CADM3: variants seen among roughly 807,000 people sequenced by gnomAD.
CADM3 encodes the protein TSLC1-like 1.
CADM3 carries 11 observed loss-of-function variants against 44.9 expected under a neutral mutation model. That is an observed-to-expected ratio of 0.25 (90% confidence interval 0.15 to 0.41). CADM3 has a LOEUF of 0.41. CADM3 is among the 10% of genes least tolerant of loss of function. The pLI, the probability that CADM3 is intolerant of heterozygous loss-of-function variation, is 1.00. For missense variants in CADM3, 426 were observed against 512.0 expected, an observed-to-expected ratio of 0.83 and a Z score of 1.62; for synonymous variants, 207 against 205.2, an observed-to-expected ratio of 1.01 and a Z score of -0.08.
At position 159,193,952 on chromosome 1, in the gene CADM3, G is replaced by C. The variant is rs927444873; in HGVS notation, c.603G>C (p.Glu201Asp). 1.2e-6 allele frequency: 2 copies of C among 1,614,218 alleles called. No individual in the cohort carries two copies. The highest frequency in any genetic ancestry group is 1.7e-6 in the Non-Finnish European group (2 of 1,180,046). Reference protein sequence around the residue: ...SSSVTFQVTREDDGASIVCSV... With the variant: ...SSSVTFQVTRDDDGASIVCSV... ...CGGTGACATTCCAGGTTACCCGGGA[G>C]GATGATGGGGCGAGCATCGTGTGCT... Residue 201 changes from glutamate (E) to aspartate (D), a missense_variant, in exon 5 of 9, where the codon GAG becomes GAC. Glu to Asp is a conservative substitution (Grantham distance 45). This residue lies in a region of CADM3 where 362 missense variants were observed against 474.6 expected (regional missense o/e 0.76). Coordinates refer to ENST00000368125, the MANE Select transcript of CADM3 (RefSeq NM_001127173.3).
chr1:159,194,807 C>G (rs1649822561), intron 5 of CADM3: 1 of 152,106 alleles, frequency 6.6e-6, no homozygotes, highest in Non-Finnish European at 1.5e-5. Flanking sequence ...GTGGAATTTG[C>G]CTTTAGTATG....
intron 5 of CADM3, chr1:159,196,154 A>G: frequency 1.8e-6 from 1 of 542,574 alleles, no homozygotes; most frequent in Non-Finnish European, 3.3e-6. Context: ...ACCTTCCAGA[A>G]TCCTATCACA....
chr1:159,193,677 T>C (rs1221730775), intron 4 of CADM3, 117 bp downstream of exon 4: 1 of 1,493,402 alleles, frequency 6.7e-7, no homozygotes, highest in Non-Finnish European at 9.2e-7. Context: ...GAATGACATA[T>C]ATTTTGTGTG....
chr1:159,192,831 G>C, intron 3 of CADM3, 101 bp downstream of exon 3: 4 of 1,259,122 alleles, frequency 3.2e-6, no homozygotes, highest in Non-Finnish European at 4.4e-6. Flanking sequence ...AAGTCTCCAA[G>C]CACTTTAGGA....
chr1:159,180,194 A>T (rs1649175391), intron 1 of CADM3, among the ~76,000 whole-genome samples: 2 of 152,236 alleles, frequency 1.3e-5, no homozygotes, highest in South Asian at 2.1e-4. Context: ...GTATTCTGGA[A>T]GTAAGGGGTT....
intron 7 of CADM3, chr1:159,197,802 C>G (rs1263896807): frequency 1.3e-5 from 2 of 152,142 alleles, no homozygotes; most frequent in African/African-American, 4.8e-5. Context: ...ATCAGAGGCT[C>G]CCTTACTTGA....
chr1:159,203,190 T>C lies in CADM3; in HGVS notation c.*2268T>C, dbSNP rs531654782. The C allele has an allele frequency of 5.2e-5, 8 of 152,730 alleles. No homozygotes were observed. In the East Asian group the frequency reaches 1.5e-3, roughly 29 times the overall value. The allele number at this position is 152,730 out of a possible 1,614,324, so 9.5% of individuals were successfully genotyped here. A position where few individuals can be genotyped will look rare whatever the true frequency, so the allele number is the denominator to read the frequency against. Reference sequence around the variant, plus strand: ...CCTCTTGCTGCTGCTGGGATGTGTGTATGTGAGGGTCTTCTTCCCATACCC... The same window carrying C: ...CCTCTTGCTGCTGCTGGGATGTGTGCATGTGAGGGTCTTCTTCCCATACCC... On this transcript the variant is annotated 3_prime_UTR_variant, in exon 9 of 9. Coordinates refer to ENST00000368125, the MANE Select transcript of CADM3 (RefSeq NM_001127173.3).
At chr1:159,180,028 T>G (rs1354769693) in intron 1 of CADM3, among the ~76,000 whole-genome samples, 1 of 152,116 alleles carries the variant, frequency 6.6e-6, no homozygotes, top group Non-Finnish European at 1.5e-5. Context: ...TGCCAACTCT[T>G]TTCTGGTTTC....
Position 159,202,822 on chromosome 1 carries a change from A to C in CADM3, c.*1900A>C, listed in dbSNP as rs140039373. The C allele has an allele frequency of 6.6e-6, 1 of 151,806 alleles. No individual in the cohort carries two copies. The highest frequency in any genetic ancestry group is 1.5e-5 in the Non-Finnish European group (1 of 67,950). The allele number at this position is 151,806 out of a possible 1,614,324, so 9.4% of individuals were successfully genotyped here. A position where few individuals can be genotyped will look rare whatever the true frequency, so the allele number is the denominator to read the frequency against. On this transcript the variant is annotated 3_prime_UTR_variant, in exon 9 of 9. Coordinates refer to ENST00000368125, the MANE Select transcript of CADM3 (RefSeq NM_001127173.3). ...CCTTGGGCACCACAGGCAGCCCCTCACCTAAGCCGGGGCCTACTCCTCTTA... is the reference window on the plus strand; with the variant it reads ...CCTTGGGCACCACAGGCAGCCCCTCCCCTAAGCCGGGGCCTACTCCTCTTA...
intron 8 of CADM3, 66 bp downstream of exon 8, chr1:159,199,942 A>G (rs1650084086): frequency 1.9e-6 from 3 of 1,574,504 alleles, no homozygotes; most frequent in Admixed American, 3.7e-5. Flanking sequence ...AGAGGCAGGC[A>G]CGAGGAGAAG....
intron 8 of CADM3, among the ~76,000 whole-genome samples, chr1:159,200,277 C>T (rs36160848): frequency 0.07 from 10,692 of 152,186 alleles, 1,253 homozygotes; most frequent in African/African-American, 0.24. Context: ...CATTGCCTTT[C>T]TTTCCTCTCC....
rs907569371 is a variant in CADM3, at chr1:159,203,104, CAG to C, written c.*2185_*2186del. ...CTTTCTAACTCTCCTGTGCTAATCT[CAG>C]AGGGGTCACCCTCAATATATCTGGA... On this transcript the variant is annotated 3_prime_UTR_variant, in exon 9 of 9. Transcript: ENST00000368125. 1.3e-5 allele frequency: 2 copies of C among 152,274 alleles called. No individual in the cohort carries two copies. The highest frequency in any genetic ancestry group is 4.8e-5 in the African/African-American group (2 of 41,396). The allele number at this position is 152,274 out of a possible 1,614,324, so 9.4% of individuals were successfully genotyped here. A position where few individuals can be genotyped will look rare whatever the true frequency, so the allele number is the denominator to read the frequency against.
intron 1 of CADM3, among the ~76,000 whole-genome samples, chr1:159,191,083 C>T (rs34999456): frequency 0.018 from 2,787 of 152,270 alleles, 34 homozygotes; most frequent in Non-Finnish European, 0.029. Flanking sequence ...CCCCGGTAGG[C>T]GTGACCAGAA....
intron 1 of CADM3, among the ~76,000 whole-genome samples, chr1:159,187,862 T>A (rs1393624700): frequency 6.6e-6 from 1 of 151,912 alleles, no homozygotes; most frequent in East Asian, 1.9e-4. Flanking sequence ...GTAGGGTGAG[T>A]GTGGGGCACT....
intron 1 of CADM3, among the ~76,000 whole-genome samples, chr1:159,177,111 G>C (rs1649048151): frequency 6.6e-6 from 1 of 152,088 alleles, no homozygotes; most frequent in Admixed American, 6.6e-5. Context: ...CTCTTTAGAA[G>C]ATAGGCCTAA....
chr1:159,189,817 C>T (rs934886786), intron 1 of CADM3: 8 of 1,607,504 alleles, frequency 5.0e-6, no homozygotes, highest in Non-Finnish European at 5.9e-6. Context: ...TGGCTCCACT[C>T]GACGAGGCCA....
At chr1:159,177,323 C>T (rs1273439679) in intron 1 of CADM3, among the ~76,000 whole-genome samples, 3 of 152,112 alleles carry the variant, frequency 2.0e-5, no homozygotes, top group Non-Finnish European at 2.9e-5. Flanking sequence ...AAGTGATGAG[C>T]GTAGAGTGAT....
At chr1:159,171,951 T>C in intron 1 of CADM3, 98 bp downstream of exon 1, 1 of 791,126 alleles carries the variant, frequency 1.3e-6, no homozygotes, top group Non-Finnish European at 1.7e-6. Flanking sequence ...TGGCTTTGTT[T>C]GGAACCGGGG....
At chr1:159,191,794 C>T (rs969034666) in intron 1 of CADM3, 142 bp from the exon 2 acceptor site, 5 of 892,934 alleles carry the variant, frequency 5.6e-6, no homozygotes, top group Non-Finnish European at 8.5e-6. Context: ...TTTTCCTTCC[C>T]CCATGAAACC....
Sources: gnomAD v4.1 joint callset for allele counts (sites outside exome capture counted in the v4.1 genomes callset) on GRCh38, gnomAD v4.1.1 for gene constraint, gnomAD v4.1.1 regional missense constraint, MANE v1.5 for transcripts, NCBI Gene and HGNC (gene_info 2026-07-23, HGNC 2026-07-21) for gene names.